Variants in ARHGAP28 observed in about 807,000 individuals in gnomAD.
ARHGAP28 encodes the protein rho GTPase-activating protein 28.
In ARHGAP28, 56 loss-of-function variants were observed where a neutral mutation model predicts 90.7. The observed-to-expected ratio is 0.62, with a 90% CI of 0.50 to 0.77. The LOEUF (loss-of-function observed/expected upper bound fraction) is 0.77. Ranked by LOEUF, ARHGAP28 falls within the 30% of genes least tolerant of loss-of-function variation. The pLI is 0.00. For missense variants in ARHGAP28, 869 were observed against 900.9 expected (o/e 0.96, Z 0.45); for synonymous variants, 308 against 323.3 (o/e 0.95, Z 0.51).
intron 12 of ARHGAP28, 85 bp from the exon 13 acceptor site, chr18:6,889,803 A>G: frequency 8.0e-7 from 1 of 1,246,046 alleles, no homozygotes; most frequent in Non-Finnish European, 1.2e-6. Flanking sequence ...CTGGCAGCAG[A>G]GTGAATGGGA....
chr18:6,849,026 G>T (rs2056888043), intron 3 of ARHGAP28, among the ~76,000 whole-genome samples: 1 of 151,698 alleles, frequency 6.6e-6, no homozygotes, highest in Non-Finnish European at 1.5e-5. Context: ...AAGGCAGGAG[G>T]ATCTCTTGAG....
chr18:6,826,916 C>CGAG (rs2056669082), intron 2 of ARHGAP28, among the ~76,000 whole-genome samples: 1 of 152,100 alleles, frequency 6.6e-6, no homozygotes, highest in Admixed American at 6.5e-5. Flanking sequence ...CTTCAAGCAT[C>CGAG]TGTTTAACAA....
intron 1 of ARHGAP28, among the ~76,000 whole-genome samples, chr18:6,807,702 A>G (rs976472764): frequency 1.3e-5 from 2 of 152,128 alleles, no homozygotes; most frequent in Non-Finnish European, 2.9e-5. Context: ...GACTGAGGGT[A>G]GTTTCCATAT....
At chr18:6,911,950 A>T in intron 17 of ARHGAP28, 110 bp from the exon 18 acceptor site, 1 of 554,668 alleles carries the variant, frequency 1.8e-6, no homozygotes, top group Non-Finnish European at 2.9e-6. Flanking sequence ...TTGGCCAAGA[A>T]AACTATATTA....
At chr18:6,839,419 G>A (rs560222304) in intron 3 of ARHGAP28, among the ~76,000 whole-genome samples, 11 of 150,624 alleles carry the variant, frequency 7.3e-5, no homozygotes, top group South Asian at 4.2e-4. Context: ...TCAGCCTCCC[G>A]AGTAACTGGG....
intron 2 of ARHGAP28, among the ~76,000 whole-genome samples, chr18:6,830,900 G>A (rs541447892): frequency 3.3e-5 from 5 of 152,288 alleles, no homozygotes; most frequent in South Asian, 4.2e-4. Context: ...GAATAATGCT[G>A]TTATGAGCAA....
chr18:6,857,114 G>A (rs1020374224), intron 4 of ARHGAP28, among the ~76,000 whole-genome samples: 9 of 152,092 alleles, frequency 5.9e-5, no homozygotes, highest in African/African-American at 2.2e-4. Context: ...AGGTAAAGAT[G>A]CTACATAATT....
At position 6,908,164 on chromosome 18, in the gene ARHGAP28, GT is replaced by G. The variant is rs571962690; in HGVS notation, c.2031-793del. On this transcript the variant is annotated intron_variant, in intron 16 of 17. Coordinates refer to ENST00000383472, the MANE Select transcript of ARHGAP28 (RefSeq NM_001366230.1). ...TATTTTATTTTATTTTCGAGATGGA[GT>G]TTCACTCTGTCGCCCAGGCTGGAGT... Among the ~76,000 whole-genome samples, 37 of 150,444 alleles carry G rather than the reference GT, an allele frequency of 2.5e-4. 1 individual carries two copies. The East Asian group carries it at 7.0e-3, about 28-fold the overall frequency.
At chr18:6,797,296 T>C (rs887698740) in intron 1 of ARHGAP28, among the ~76,000 whole-genome samples, 2 of 152,246 alleles carry the variant, frequency 1.3e-5, no homozygotes, top group Non-Finnish European at 2.9e-5. Context: ...TGGAGTATTT[T>C]CTCTGTCACT....
chr18:6,734,263 C>T (rs901770470), intron 1 of ARHGAP28, among the ~76,000 whole-genome samples: 1 of 152,036 alleles, frequency 6.6e-6, no homozygotes, highest in Admixed American at 6.6e-5. Flanking sequence ...TGAAACGTAG[C>T]TGAGGATAAA....
At position 6,878,180 on chromosome 18, in the gene ARHGAP28, T is replaced by C. The variant is rs576714565; in HGVS notation, c.1290+1972T>C. On this transcript the variant is annotated intron_variant, in intron 10 of 17. Transcript: ENST00000383472. ...CTATGCAGCCATAAAAAATGATGAGTTCATGTCCTTTGTAGGGACATGGAT... is the reference window on the plus strand; with the variant it reads ...CTATGCAGCCATAAAAAATGATGAGCTCATGTCCTTTGTAGGGACATGGAT... 3.5e-4 allele frequency among the ~76,000 whole-genome samples: 53 copies of C among 151,854 alleles called. No homozygotes were observed. In the East Asian group the frequency reaches 9.9e-3, roughly 28 times the overall value.
chr18:6,765,580 T>C (rs963868188), intron 1 of ARHGAP28, among the ~76,000 whole-genome samples: 14 of 152,232 alleles, frequency 9.2e-5, no homozygotes, highest in Admixed American at 7.2e-4. Flanking sequence ...TAAAAATTTT[T>C]TTCTATTGTT....
rs1386316914 is a variant in ARHGAP28 at position 6,732,138 on chromosome 18, A to G, written c.122+2195A>G. Among the ~76,000 whole-genome samples, 5 of 152,008 alleles carry G rather than the reference A, an allele frequency of 3.3e-5. No individual in the cohort carries two copies. In the East Asian group the frequency reaches 9.6e-4, roughly 29 times the overall value. ...TCTAGCCTTTTCCCAGTAAAATAGA[A>G]TATAGTATCTTTCTATTTGGTCATT... is the stretch of plus-strand genomic sequence containing the variant. On this transcript the variant is annotated intron_variant, in intron 1 of 17. Coordinates refer to ENST00000383472, the MANE Select transcript of ARHGAP28 (RefSeq NM_001366230.1).
rs557410905 is a variant in ARHGAP28, at chr18:6,826,961, A to C, written c.325+1997A>C. On this transcript the variant is annotated intron_variant, in intron 2 of 17. Transcript: ENST00000383472. ...TGCACCACCCTTAATCCATTTAACC[A>C]TGAGTGGACACAACACATGTTTCAG... Among the ~76,000 whole-genome samples the C allele has an allele frequency of 2.3e-3, 350 of 152,232 alleles. 3 individuals carry two copies. Among genetic ancestry groups the C allele is most frequent in the African/African-American group, 6.2e-3 (259 of 41,532 alleles).
chr18:6,855,887 C>T (rs1468769418), intron 4 of ARHGAP28, among the ~76,000 whole-genome samples: 1 of 152,222 alleles, frequency 6.6e-6, no homozygotes, highest in East Asian at 1.9e-4. Context: ...GCTGCCTGCC[C>T]CACTGCAGCT....
chr18:6,766,397 A>T (rs1046509735), intron 1 of ARHGAP28, among the ~76,000 whole-genome samples: 1 of 152,156 alleles, frequency 6.6e-6, no homozygotes, highest in African/African-American at 2.4e-5. Context: ...TGTAATAGCC[A>T]TAGAGTTGTG....
At chr18:6,769,449 T>C (rs1488189008) in intron 1 of ARHGAP28, among the ~76,000 whole-genome samples, 2 of 152,252 alleles carry the variant, frequency 1.3e-5, no homozygotes, top group East Asian at 3.8e-4. Context: ...CTTTAATCTT[T>C]TTCTTTTGCA....
intron 3 of ARHGAP28, among the ~76,000 whole-genome samples, chr18:6,839,475 T>C (rs1408393881): frequency 6.6e-6 from 1 of 151,954 alleles, no homozygotes; most frequent in African/African-American, 2.4e-5. Context: ...GTTTTTCTAT[T>C]TGTAGTAGAG....
intron 1 of ARHGAP28, among the ~76,000 whole-genome samples, chr18:6,775,614 G>A (rs1332677033): frequency 6.6e-6 from 1 of 152,164 alleles, no homozygotes; most frequent in Non-Finnish European, 1.5e-5. Context: ...ACATTCGCTG[G>A]ATGTGTTCAT....
Sources: allele counts gnomAD v4.1 joint callset (sites outside exome capture counted in the v4.1 genomes callset), GRCh38; gene constraint gnomAD v4.1.1; transcripts MANE v1.5; gene names NCBI Gene and HGNC (gene_info 2026-07-23, HGNC 2026-07-21).